The following ABCC5 variants were observed in gnomAD, a reference collection of about 807,000 sequenced individuals.
ABCC5 encodes ATP-binding cassette sub-family C member 5.
In ABCC5, 61 loss-of-function variants were observed where a neutral mutation model predicts 160.9. That is an observed-to-expected ratio of 0.38 (90% confidence interval 0.31 to 0.47). ABCC5 has a LOEUF of 0.47. ABCC5 is among the 20% of genes least tolerant of loss of function. The pLI, the probability that ABCC5 is intolerant of heterozygous loss-of-function variation, is 0.99. For synonymous variants in ABCC5, 666 were observed against 700.6 expected, an observed-to-expected ratio of 0.95 and a Z score of 0.78; for missense variants, 1,308 against 1,813.3, an observed-to-expected ratio of 0.72 and a Z score of 5.06.
intron 18 of ABCC5, among the ~76,000 whole-genome samples, 155 bp from the exon 19 acceptor site, chr3:183,952,158 T>C (rs1715425390): frequency 6.6e-6 from 1 of 150,486 alleles, no homozygotes; most frequent in Non-Finnish European, 1.5e-5. Flanking sequence ...TTTTTTTTTT[T>C]TTTTTTGAGA....
chr3:183,996,954 T>C (rs1720338013), intron 2 of ABCC5, among the ~76,000 whole-genome samples: 1 of 152,144 alleles, frequency 6.6e-6, no homozygotes, highest in Middle Eastern at 3.2e-3. Context: ...AAATATCTGA[T>C]GGAAATACAG....
At chr3:183,972,547 T>C (rs1030296090) in intron 10 of ABCC5, among the ~76,000 whole-genome samples, 2 of 152,210 alleles carry the variant, frequency 1.3e-5, no homozygotes, top group Non-Finnish European at 2.9e-5. Context: ...CAGGCTTGCA[T>C]GGAAGTGAAG....
At chr3:183,965,806 G>T (rs1198151470) in intron 12 of ABCC5, among the ~76,000 whole-genome samples, 1 of 152,186 alleles carries the variant, frequency 6.6e-6, no homozygotes, top group Non-Finnish European at 1.5e-5. Flanking sequence ...AGAGGTTCTT[G>T]CAGAATTCTC....
In ABCC5 at chr3:183,927,199, T is replaced by G. The variant is rs567652243; in HGVS notation, c.4047+131A>C. ...CCAAATTGTGTCAGGGTTAGAGTTATCTCTGGTCATGCTCTTAGAAAGTGC... is the reference window on the plus strand; with the variant it reads ...CCAAATTGTGTCAGGGTTAGAGTTAGCTCTGGTCATGCTCTTAGAAAGTGC... On this transcript the variant is annotated intron_variant, in intron 28 of 29. Transcript: ENST00000334444. 1.8e-5 allele frequency: 16 copies of G among 871,478 alleles called. No homozygotes were observed. The African/African-American group carries it at 2.7e-4, about 15-fold the overall frequency. The allele number at this position is 871,478 out of a possible 1,614,324, so 54.0% of individuals were successfully genotyped here.
In ABCC5 at chr3:184,017,154, C is replaced by T. The variant is rs1722257543; in HGVS notation, c.-56+676G>A. ...TGTGCCCACCTGCCTCCAGCCTCTCCGTCTGTGCAGAAACCAAATGGCCCC... is the reference window on the plus strand; with the variant it reads ...TGTGCCCACCTGCCTCCAGCCTCTCTGTCTGTGCAGAAACCAAATGGCCCC... On this transcript the variant is annotated intron_variant, in intron 1 of 29. Coordinates refer to ENST00000334444, the MANE Select transcript of ABCC5 (RefSeq NM_005688.4). The surrounding 1 kb of genome is among the most constrained non-coding windows in gnomAD (Gnocchi z 4.5). Among the ~76,000 whole-genome samples the T allele has an allele frequency of 6.6e-6, 1 of 152,134 alleles. No homozygotes were observed. Among genetic ancestry groups the T allele is most frequent in the African/African-American group, 2.4e-5 (1 of 41,408 alleles).
At chr3:183,934,302 A>G (rs1237146625) in intron 26 of ABCC5, among the ~76,000 whole-genome samples, 1 of 152,208 alleles carries the variant, frequency 6.6e-6, no homozygotes, top group African/African-American at 2.4e-5. Context: ...CAAAAACAAA[A>G]GAATACCAAG....
At position 183,944,097 on chromosome 3, in the gene ABCC5, A is replaced by G. The variant is rs1057335709; in HGVS notation, c.3505-1181T>C. ...TACGTACACTCAGTTCCCAATTGAA[A>G]GAGTAATTTTTCAGGCCGGACACTA... On this transcript the variant is annotated intron_variant, in intron 24 of 29. Transcript: ENST00000334444. Among the ~76,000 whole-genome samples the G allele has an allele frequency of 2.6e-5, 4 of 152,232 alleles. No individual in the cohort carries two copies. The South Asian group carries it at 8.3e-4, about 32-fold the overall frequency.
rs185949231 is a variant in ABCC5 at position 183,965,511 on chromosome 3, G to C, written c.1834-10C>G. 1.1e-5 allele frequency: 17 copies of C among 1,613,580 alleles called. No individual in the cohort carries two copies. Among genetic ancestry groups the C allele is most frequent in the South Asian group, 8.8e-5 (8 of 91,066 alleles). Reference sequence around the variant, plus strand: ...CCTCTAGAAGCGTCATCTAGGGAGAGAGACACCATCCAATGGCATCATAAC... The same window carrying C: ...CCTCTAGAAGCGTCATCTAGGGAGACAGACACCATCCAATGGCATCATAAC... On this transcript the variant is annotated splice_polypyrimidine_tract_variant and intron_variant, in intron 12 of 29. Transcript: ENST00000334444.
chr3:183,983,091 T>G (rs1180678403), intron 5 of ABCC5, 84 bp from the exon 6 acceptor site: 1 of 1,302,898 alleles, frequency 7.7e-7, no homozygotes. Context: ...TTAGAAAGAG[T>G]AGGCAGCTCC....
Position 183,949,676 on chromosome 3 carries a change from G to A in ABCC5, c.3227+77C>T. The A allele has an allele frequency of 6.5e-7, 1 of 1,548,496 alleles. No homozygotes were observed. Among genetic ancestry groups the A allele is most frequent in the South Asian group, 1.2e-5 (1 of 81,908 alleles). ...GTTTATAATCCCCATCTCTGGCCTT[G>A]AAGAGCCTCCCGGACAAGTATCAAA... On this transcript the variant is annotated intron_variant, in intron 22 of 29. Coordinates refer to ENST00000334444, the MANE Select transcript of ABCC5 (RefSeq NM_005688.4). The surrounding 1 kb of genome is among the most constrained non-coding windows in gnomAD (Gnocchi z 4.2).
At chr3:183,933,154 C>T (rs73179634) in intron 26 of ABCC5, among the ~76,000 whole-genome samples, 5,599 of 121,382 alleles carry the variant, frequency 0.046, 160 homozygotes, top group Middle Eastern at 0.13. Flanking sequence ...GGTGACAAAG[C>T]GAGACTGTCT....
intron 29 of ABCC5, 70 bp downstream of exon 29, chr3:183,925,478 TGGCAATC>T: frequency 6.7e-7 from 1 of 1,498,766 alleles, no homozygotes; most frequent in South Asian, 1.2e-5. Flanking sequence ...CCTACAAAGA[TGGCAATC>T]AGTCCATCCC....
At chr3:184,004,506 C>CAAA (rs34319740) in intron 2 of ABCC5, among the ~76,000 whole-genome samples, 16 of 77,216 alleles carry the variant, frequency 2.1e-4, no homozygotes, top group Non-Finnish European at 2.8e-4. Context: ...GACTCCGTCT[C>CAAA]AAAAAAAAAA....
At chr3:183,986,921 C>A (rs1274756278) in intron 5 of ABCC5, 1 of 152,146 alleles carries the variant, frequency 6.6e-6, no homozygotes, top group Non-Finnish European at 1.5e-5. Flanking sequence ...AAAACTTTAA[C>A]AAGAGGCATC....
chr3:183,958,304 G>A (rs1293743724), intron 17 of ABCC5, among the ~76,000 whole-genome samples: 1 of 152,156 alleles, frequency 6.6e-6, no homozygotes, highest in African/African-American at 2.4e-5. Flanking sequence ...CATAGTACCC[G>A]GCTTTTCCCT....
At chr3:184,004,705 T>G (rs1012699788) in intron 2 of ABCC5, among the ~76,000 whole-genome samples, 1 of 152,026 alleles carries the variant, frequency 6.6e-6, no homozygotes, top group Non-Finnish European at 1.5e-5. Context: ...GTTTGGCTAT[T>G]TTTCTACTGT....
intron 8 of ABCC5, among the ~76,000 whole-genome samples, chr3:183,978,970 G>A (rs1405530403): frequency 1.3e-5 from 2 of 152,212 alleles, no homozygotes; most frequent in African/African-American, 2.4e-5. Flanking sequence ...AGTTGTGTTT[G>A]CTTACCTGGT....
At chr3:183,935,210 T>A (rs1299300021) in intron 26 of ABCC5, among the ~76,000 whole-genome samples, 2 of 151,410 alleles carry the variant, frequency 1.3e-5, no homozygotes, top group Non-Finnish European at 2.9e-5. Context: ...AGATGGAGTC[T>A]CGCTCTGTCG....
intron 2 of ABCC5, chr3:184,010,782 C>A (rs1360370776): frequency 1.3e-5 from 2 of 150,126 alleles, no homozygotes; most frequent in East Asian, 4.0e-4. Context: ...TCTTCAAAAT[C>A]AAAATCATTC....
Sources: allele counts gnomAD v4.1 joint callset (sites outside exome capture counted in the v4.1 genomes callset), GRCh38; gene constraint gnomAD v4.1.1; non-coding constraint Gnocchi (gnomAD v3.1); transcripts MANE v1.5; gene names NCBI Gene and HGNC (gene_info 2026-07-23, HGNC 2026-07-21).